The following ATRNL1 variants were observed in gnomAD, a reference collection of about 807,000 sequenced individuals.
ATRNL1 encodes attractin-like protein 1.
A neutral mutation model predicts 182.7 loss-of-function variants in ATRNL1; 95 were observed. The ratio of observed to expected loss-of-function variants is 0.52; its 90% CI spans 0.44 to 0.62. The LOEUF (loss-of-function observed/expected upper bound fraction) is 0.62. Ranked by LOEUF, ATRNL1 falls within the 20% of genes least tolerant of loss-of-function variation. The probability of loss-of-function intolerance (pLI) is 0.00; values close to 1 mark genes in which losing one functional copy is unlikely to be tolerated. For synonymous variants in ATRNL1, 576 were observed against 568.3 expected (o/e 1.01, Z -0.19); for missense variants, 1,471 against 1,679.5 (o/e 0.88, Z 2.17).
intron 9 of ATRNL1, among the ~76,000 whole-genome samples, chr10:115,225,917 T>G (rs1206609492): frequency 6.6e-6 from 1 of 150,926 alleles, no homozygotes; most frequent in African/African-American, 2.4e-5. Flanking sequence ...TTGTATAAAT[T>G]TTAGAGTCTC....
At chr10:115,451,482 TAC>T (rs1565057532) in intron 21 of ATRNL1, among the ~76,000 whole-genome samples, 1 of 152,044 alleles carries the variant, frequency 6.6e-6, no homozygotes, top group East Asian at 1.9e-4. Context: ...AAAAAAGACA[TAC>T]ATGTGGCCAA....
At chr10:115,420,487 A>G (rs1467153972) in intron 20 of ATRNL1, among the ~76,000 whole-genome samples, 1 of 152,232 alleles carries the variant, frequency 6.6e-6, no homozygotes, top group Non-Finnish European at 1.5e-5. Context: ...TTAAAAAGGA[A>G]TTTAAAACAT....
intron 5 of ATRNL1, among the ~76,000 whole-genome samples, chr10:115,144,293 G>A (rs1483214145): frequency 6.6e-6 from 1 of 152,030 alleles, no homozygotes; most frequent in Non-Finnish European, 1.5e-5. Context: ...GACTGCAGGC[G>A]CCTGCCACCA....
intron 25 of ATRNL1, among the ~76,000 whole-genome samples, chr10:115,531,262 T>G (rs1322799916): frequency 6.6e-6 from 1 of 152,054 alleles, no homozygotes; most frequent in Non-Finnish European, 1.5e-5. Flanking sequence ...AAAGTGTTCC[T>G]ATTTCTCCAC....
chr10:115,162,651 G>A lies in ATRNL1; in HGVS notation c.1004+2437G>A, dbSNP rs80130756. 1.7e-4 allele frequency among the ~76,000 whole-genome samples: 25 copies of A among 149,998 alleles called. 1 individual carries two copies. The East Asian group carries it at 4.7e-3, about 28-fold the overall frequency. ...GGGGATTAGGAGGAAGATTAGAAAC[G>A]GGATTTGAGTTAAGATGAAATTATC... On this transcript the variant is annotated intron_variant, in intron 6 of 28. Coordinates refer to ENST00000355044, the MANE Select transcript of ATRNL1 (RefSeq NM_207303.4).
At chr10:115,348,791 G>A (rs1554940464) in intron 19 of ATRNL1, among the ~76,000 whole-genome samples, 4 of 151,978 alleles carry the variant, frequency 2.6e-5, no homozygotes, top group Non-Finnish European at 5.9e-5. Context: ...ATCTGGTCTT[G>A]GAAGGTCTTT....
chr10:115,505,598 G>C (rs1264581490), intron 24 of ATRNL1, among the ~76,000 whole-genome samples: 1 of 151,876 alleles, frequency 6.6e-6, no homozygotes, highest in African/African-American at 2.4e-5. Flanking sequence ...AACTATTTTA[G>C]GTCCCACATG....
At chr10:115,280,934 A>G (rs970627716) in intron 13 of ATRNL1, among the ~76,000 whole-genome samples, 3 of 152,166 alleles carry the variant, frequency 2.0e-5, no homozygotes, top group Admixed American at 6.5e-5. Flanking sequence ...AGTGGATATG[A>G]TTGCCATTTT....
At chr10:115,224,504 TG>T (rs1250463976) in intron 9 of ATRNL1, among the ~76,000 whole-genome samples, 3 of 151,872 alleles carry the variant, frequency 2.0e-5, no homozygotes, top group Non-Finnish European at 4.4e-5. Flanking sequence ...CATGAATTAA[TG>T]AAATAGGAAA....
intron 26 of ATRNL1, among the ~76,000 whole-genome samples, chr10:115,678,301 T>G (rs1240209161): frequency 6.6e-6 from 1 of 152,170 alleles, no homozygotes; most frequent in Admixed American, 6.6e-5. Context: ...GGATCATTTC[T>G]ATGATTTAAC....
intron 27 of ATRNL1, among the ~76,000 whole-genome samples, chr10:115,752,668 C>G (rs1948480256): frequency 6.6e-6 from 1 of 151,948 alleles, no homozygotes; most frequent in African/African-American, 2.4e-5. Context: ...TATGTTGTAC[C>G]TATTTTAAAG....
chr10:115,223,371 C>T (rs1456692536), intron 9 of ATRNL1, among the ~76,000 whole-genome samples: 2 of 152,148 alleles, frequency 1.3e-5, no homozygotes, highest in Admixed American at 1.3e-4. Context: ...AAAAACAAAA[C>T]TTAGCCATCT....
chr10:115,228,472 C>G (rs925758635), intron 9 of ATRNL1, among the ~76,000 whole-genome samples: 2 of 152,098 alleles, frequency 1.3e-5, no homozygotes, highest in African/African-American at 4.8e-5. Flanking sequence ...CATCTCATAA[C>G]TTTCTTTGCA....
intron 21 of ATRNL1, among the ~76,000 whole-genome samples, chr10:115,453,415 T>C (rs1554968052): frequency 6.6e-6 from 1 of 152,138 alleles, no homozygotes; most frequent in African/African-American, 2.4e-5. Flanking sequence ...TCCTTTTATG[T>C]TTTGGATATT....
intron 27 of ATRNL1, among the ~76,000 whole-genome samples, chr10:115,817,014 AT>A (rs1404278958): frequency 6.6e-6 from 1 of 152,076 alleles, no homozygotes; most frequent in Non-Finnish European, 1.5e-5. Flanking sequence ...AAGAAAATTG[AT>A]TCCCTAAACC....
At chr10:115,717,632 A>G (rs1192799433) in intron 26 of ATRNL1, among the ~76,000 whole-genome samples, 5 of 142,938 alleles carry the variant, frequency 3.5e-5, no homozygotes, top group African/African-American at 1.3e-4. Context: ...GCACACTGCA[A>G]TCTCCACATC....
rs1326688016 is a variant in ATRNL1 at position 115,146,471 on chromosome 10, G to A, written c.830-13569G>A. Among the ~76,000 whole-genome samples the A allele has an allele frequency of 3.3e-5, 5 of 152,012 alleles. No individual in the cohort carries two copies. In the East Asian group the frequency reaches 9.6e-4, roughly 29 times the overall value. ...TGAGTATTTATCATTTCTGTGTTGG[G>A]AGCATTTCAAGTGCTCTTTTCTAAC... On this transcript the variant is annotated intron_variant, in intron 5 of 28. Transcript: ENST00000355044.
At chr10:115,469,368 T>C (rs1554971673) in intron 24 of ATRNL1, 39 bp downstream of exon 24, 1 of 1,312,190 alleles carries the variant, frequency 7.6e-7, no homozygotes. Flanking sequence ...GACCATAATA[T>C]CATTAAGAAA....
intron 28 of ATRNL1, among the ~76,000 whole-genome samples, chr10:115,866,723 A>G (rs1951447873): frequency 6.6e-6 from 1 of 152,216 alleles, no homozygotes; most frequent in African/African-American, 2.4e-5. Flanking sequence ...TGTTAAGCTT[A>G]TATTTAATCT....
Sources: gnomAD v4.1 joint callset for allele counts (sites outside exome capture counted in the v4.1 genomes callset) on GRCh38, gnomAD v4.1.1 for gene constraint, MANE v1.5 for transcripts, NCBI Gene and HGNC (gene_info 2026-07-23, HGNC 2026-07-21) for gene names.